Variants in TG observed in about 807,000 individuals in gnomAD.
TG encodes thyroid hormones.
Under a neutral mutation model 324.7 loss-of-function variants are expected in TG, and 270 were observed. That is an observed-to-expected ratio of 0.83 (90% CI 0.75 to 0.92). The LOEUF is 0.92. Ranked by LOEUF, TG falls within the 40% of genes least tolerant of loss-of-function variation. The probability of loss-of-function intolerance (pLI) is 0.00; values close to 1 mark genes in which losing one functional copy is unlikely to be tolerated. For synonymous variants in TG, 1,401 were observed against 1,327.0 expected, an observed-to-expected ratio of 1.06 and a Z score of -1.21; for missense variants, 3,591 against 3,456.4, an observed-to-expected ratio of 1.04 and a Z score of -0.98.
chr8:132,962,880 A>T lies in TG; in HGVS notation c.5468-114A>T, dbSNP rs570225140. ...AGGGCATCTGTTGCAGATCTTCTCT[A>T]AGTCACCTGGCTTTAGGGCCTGATT... On this transcript the variant is annotated intron_variant, in intron 28 of 47. Coordinates refer to ENST00000220616, the MANE Select transcript of TG (RefSeq NM_003235.5). 73 of 918,272 alleles carry T rather than the reference A, an allele frequency of 7.9e-5. No homozygotes were observed. The African/African-American group carries it at 1.1e-3, about 13-fold the overall frequency. The allele number at this position is 918,272 out of a possible 1,614,324, so 56.9% of individuals were successfully genotyped here. A position where few individuals can be genotyped will look rare whatever the true frequency, so the allele number is the denominator to read the frequency against.
At chr8:132,869,105 T>C (rs1328925991) in intron 2 of TG, among the ~76,000 whole-genome samples, 2 of 152,170 alleles carry the variant, frequency 1.3e-5, no homozygotes, top group Non-Finnish European at 2.9e-5. Flanking sequence ...TCACCAGCCT[T>C]ATTTATATTC....
chr8:132,898,396 G>A (rs1230527054), intron 13 of TG, 150 bp downstream of exon 13: 1 of 799,170 alleles, frequency 1.3e-6, no homozygotes, highest in Non-Finnish European at 2.1e-6. Context: ...CAAGTCCCCA[G>A]GCCTGCAAGC....
chr8:133,002,870 A>C, intron 35 of TG: 1 of 300,532 alleles, frequency 3.3e-6, no homozygotes, highest in Non-Finnish European at 5.2e-6. Flanking sequence ...CCAGCAGTAC[A>C]CTGGGGAACA....
At chr8:133,031,056 T>C (rs1836592267) in intron 41 of TG, among the ~76,000 whole-genome samples, 2 of 152,156 alleles carry the variant, frequency 1.3e-5, no homozygotes, top group African/African-American at 4.8e-5. Flanking sequence ...ACATTCCCAA[T>C]GTTGTGCAAC....
intron 46 of TG, 24 bp from the exon 47 acceptor site, chr8:133,133,446 A>G (rs1852098322): frequency 1.2e-6 from 2 of 1,610,950 alleles, no homozygotes; most frequent in Admixed American, 3.3e-5. Flanking sequence ...CCTCATGGAT[A>G]TTTCTTTCTT....
intron 35 of TG, among the ~76,000 whole-genome samples, chr8:132,986,380 G>GTGTATATATAGTATATATATA (rs1564041432): frequency 2.3e-5 from 1 of 44,192 alleles, no homozygotes; most frequent in African/African-American, 5.9e-5. Context: ...GTATATATAT[G>GTGTATATATAGTATATATATA]TGTGTATATA....
intron 37 of TG, among the ~76,000 whole-genome samples, chr8:133,016,911 T>C (rs1305160313): frequency 6.6e-6 from 1 of 152,204 alleles, no homozygotes; most frequent in Non-Finnish European, 1.5e-5. Flanking sequence ...TAGTGTTGCA[T>C]GGAGCAGGGT....
intron 41 of TG, among the ~76,000 whole-genome samples, chr8:133,039,413 G>A (rs545846235): frequency 2.0e-5 from 3 of 152,188 alleles, no homozygotes; most frequent in South Asian, 4.1e-4. Context: ...TTCATGTCTC[G>A]CATAATTTTG....
rs756310564 is a variant in TG, at chr8:132,893,838, C to G, written c.2910C>G (p.Leu970=). The G allele has an allele frequency of 6.2e-7, 1 of 1,613,852 alleles. No individual in the cohort carries two copies. Among genetic ancestry groups the G allele is most frequent in the East Asian group, 2.2e-5 (1 of 44,888 alleles). The change falls in exon 11 of 48, where the codon CTC becomes CTG. Residue 970 remains leucine, a synonymous_variant. Coordinates refer to ENST00000220616, the MANE Select transcript of TG (RefSeq NM_003235.5). ...AKGIRLRNED[L]GLPPLFPPRE... is the part of the protein sequence containing the mutation. ...GAATCCGGCTGAGGAATGAGGACCTCGGCCTTCCTCCGCTCTTCCCGCCCC... is the reference window on the plus strand; with the variant it reads ...GAATCCGGCTGAGGAATGAGGACCTGGGCCTTCCTCCGCTCTTCCCGCCCC...
At chr8:132,945,267 GA>G (rs150169641) in intron 26 of TG, among the ~76,000 whole-genome samples, 2,112 of 152,274 alleles carry the variant, frequency 0.014, 22 homozygotes, top group Non-Finnish European at 0.023. Context: ...TTGCAGTGGA[GA>G]GGGGGAATAG....
chr8:133,107,074 C>T (rs1460976368), intron 43 of TG, among the ~76,000 whole-genome samples: 1 of 152,184 alleles, frequency 6.6e-6, no homozygotes, highest in South Asian at 2.1e-4. Context: ...TTTATTGTCT[C>T]CCATGTGTCA....
intron 43 of TG, among the ~76,000 whole-genome samples, chr8:133,108,455 G>C (rs1243297064): frequency 6.6e-6 from 1 of 152,132 alleles, no homozygotes; most frequent in Non-Finnish European, 1.5e-5. Flanking sequence ...TAACAACAAA[G>C]ACAATAGACA....
At chr8:132,961,857 G>T (rs115040619) in intron 28 of TG, among the ~76,000 whole-genome samples, 3,009 of 152,232 alleles carry the variant, frequency 0.02, 114 homozygotes, top group African/African-American at 0.07. Context: ...TTGGCGACTT[G>T]CTTCTACATG....
intron 5 of TG, among the ~76,000 whole-genome samples, chr8:132,878,620 AC>A (rs1814197319): frequency 2.0e-5 from 3 of 150,212 alleles, no homozygotes; most frequent in African/African-American, 7.3e-5. Flanking sequence ...AAAAAAAAAA[AC>A]AAAAAAAAAA....
intron 43 of TG, among the ~76,000 whole-genome samples, chr8:133,106,106 C>T (rs1181632289): frequency 6.6e-6 from 1 of 152,116 alleles, no homozygotes; most frequent in Non-Finnish European, 1.5e-5. Context: ...GAGAGCTGCA[C>T]ACTGAAGGTC....
chr8:133,081,972 T>G (rs1211196212), intron 41 of TG, among the ~76,000 whole-genome samples: 3 of 152,220 alleles, frequency 2.0e-5, no homozygotes, highest in Admixed American at 1.3e-4. Flanking sequence ...CAAAGAGGGC[T>G]GTAGCCAGGA....
In TG at chr8:133,012,003, A is replaced by G; in HGVS notation, c.6365A>G (p.Asn2122Ser). 3.1e-6 allele frequency: 5 copies of G among 1,614,162 alleles called. No individual in the cohort carries two copies. The highest frequency in any genetic ancestry group is 4.2e-6 in the Non-Finnish European group (5 of 1,180,024). ...VAHVSTAATS[N>S]FSAVRDLCLS... ...CATGTCAGCACTGCTGCCACCAGCA[A>G]TTTCTCTGCTGTCCGAGACCTCTGT... The change falls in exon 36 of 48, where the codon AAT becomes AGT. Residue 2122 changes from asparagine to serine, a missense_variant. Physicochemically the swap from Asn to Ser is conservative, Grantham distance 46. Coordinates refer to ENST00000220616, the MANE Select transcript of TG (RefSeq NM_003235.5).
At chr8:132,902,430 C>G (rs774255835) in intron 16 of TG, among the ~76,000 whole-genome samples, 23 of 152,138 alleles carry the variant, frequency 1.5e-4, no homozygotes, top group African/African-American at 2.9e-4. Context: ...AGAGTCCCCC[C>G]ACTCTCATTG....
chr8:132,868,637 G>A lies in TG; in HGVS notation c.176+414G>A, dbSNP rs571762991. On this transcript the variant is annotated intron_variant, in intron 2 of 47. Transcript: ENST00000220616. ...AGCTGGGGTGGTGGAAGCAGAGGCT[G>A]CCTTGACTTCCTAGTCCTTAGCTGC... is the stretch of plus-strand genomic sequence containing the variant. Among the ~76,000 whole-genome samples the A allele has an allele frequency of 3.4e-4, 52 of 152,288 alleles. 1 individual carries two copies. The South Asian group carries it at 0.01, about 30-fold the overall frequency.
Sources: allele counts gnomAD v4.1 joint callset (sites outside exome capture counted in the v4.1 genomes callset), GRCh38; gene constraint gnomAD v4.1.1; transcripts MANE v1.5; gene names NCBI Gene and HGNC (gene_info 2026-07-23, HGNC 2026-07-21).